LRRC49: variants seen among roughly 807,000 people sequenced by gnomAD.
LRRC49 encodes the protein leucine-rich repeat-containing protein 49.
In LRRC49, 50 loss-of-function variants were observed where a neutral mutation model predicts 83.3. The observed-to-expected ratio is 0.60, with a 90% CI of 0.48 to 0.76. LRRC49 has a LOEUF of 0.76. Among genes scored for constraint, LRRC49 ranks in the 30% least tolerant of loss-of-function variants. The probability of loss-of-function intolerance (pLI) is 0.00; values close to 1 mark genes in which losing one functional copy is unlikely to be tolerated. For synonymous variants in LRRC49, 286 were observed against 283.3 expected, an observed-to-expected ratio of 1.01 and a Z score of -0.10; for missense variants, 704 against 809.1, an observed-to-expected ratio of 0.87 and a Z score of 1.58.
Position 70,900,893 on chromosome 15 carries a change from TTAAG to T in LRRC49, c.194-25_194-22del, listed in dbSNP as rs779427370. On this transcript the variant is annotated intron_variant, in intron 3 of 15. Transcript: ENST00000260382. ...TTCAGACTTCGAAGGTTTTTCTTAA[TTAAG>T]TAATTTGTATATCATTTTTAATAGG... 3.9e-5 allele frequency: 53 copies of T among 1,366,586 alleles called. 1 individual carries two copies. The highest frequency in any genetic ancestry group is 2.2e-4 in the African/African-American group (15 of 68,680). The allele number at this position is 1,366,586 out of a possible 1,614,324, so 84.7% of individuals were successfully genotyped here.
At chr15:70,946,198 CCTGT>C (rs1276762127) in intron 8 of LRRC49, among the ~76,000 whole-genome samples, 4 of 152,126 alleles carry the variant, frequency 2.6e-5, no homozygotes, top group Admixed American at 6.5e-5. Context: ...ACTAATTCCT[CCTGT>C]CTAACTGAAA....
intron 14 of LRRC49, among the ~76,000 whole-genome samples, chr15:71,023,297 A>G (rs1330035966): frequency 6.6e-6 from 1 of 152,236 alleles, no homozygotes; most frequent in East Asian, 1.9e-4. Context: ...ATGATGTTCA[A>G]AGAGTATTAA....
chr15:71,020,402 T>G (rs1713552), intron 14 of LRRC49, among the ~76,000 whole-genome samples: 123,750 of 152,164 alleles, frequency 0.81, 50,694 homozygotes, highest in East Asian at 0.87. Flanking sequence ...TAGGGTAGAG[T>G]CAGTATTAAA....
At chr15:71,015,174 C>T (rs1349615500) in intron 14 of LRRC49, among the ~76,000 whole-genome samples, 4 of 152,062 alleles carry the variant, frequency 2.6e-5, no homozygotes, top group Non-Finnish European at 2.9e-5. Context: ...ATACAAATGC[C>T]TTTAAACTTT....
In LRRC49 at chr15:70,950,044, A is replaced by G. The variant is rs369945838; in HGVS notation, c.773+13222A>G. On this transcript the variant is annotated intron_variant, in intron 8 of 15. Transcript: ENST00000260382. ...TGTATTCATCGTCTGGCTCCCACTTATAAGTGAGAACATGCAATATTTGGT... is the reference window on the plus strand; with the variant it reads ...TGTATTCATCGTCTGGCTCCCACTTGTAAGTGAGAACATGCAATATTTGGT... Among the ~76,000 whole-genome samples the G allele has an allele frequency of 6.6e-4, 101 of 152,228 alleles. No individual in the cohort carries two copies. In the South Asian group the frequency reaches 0.02, roughly 29 times the overall value.
intron 3 of LRRC49, chr15:70,900,089 A>T (rs951790255): frequency 6.2e-6 from 1 of 160,428 alleles, no homozygotes; most frequent in Admixed American, 6.2e-5. Context: ...ATTAAGTAAA[A>T]AATAACCAGA....
chr15:70,919,264 A>G, intron 7 of LRRC49, 71 bp downstream of exon 7: 2 of 1,323,052 alleles, frequency 1.5e-6, no homozygotes, highest in Non-Finnish European at 1.0e-6. Context: ...ATGTTGTAAT[A>G]TGGCTTTCTG....
chr15:70,948,118 ACGTGTGTGTT>A (rs2036075693), intron 8 of LRRC49, among the ~76,000 whole-genome samples: 1 of 151,982 alleles, frequency 6.6e-6, no homozygotes, highest in African/African-American at 2.4e-5. Context: ...GTGTGTGCAC[ACGTGTGTGTT>A]CGTGTGTGTT....
chr15:70,893,534 T>A (rs369953067), intron 1 of LRRC49, 50 bp from the exon 2 acceptor site: 3 of 1,103,544 alleles, frequency 2.7e-6, no homozygotes, highest in African/African-American at 3.1e-5. Flanking sequence ...TTTGGAAATA[T>A]GTGTTTGTGT....
At chr15:70,889,610 T>C (rs2141090881), upstream of LRRC49, among the ~76,000 whole-genome samples, 1 of 152,278 alleles carries the variant, frequency 6.6e-6, no homozygotes, top group African/African-American at 2.4e-5. Context: ...GAATGCAAAA[T>C]TAACAGTTAA....
At chr15:70,896,207 A>G (rs1047910974) in intron 3 of LRRC49, among the ~76,000 whole-genome samples, 5 of 152,196 alleles carry the variant, frequency 3.3e-5, no homozygotes, top group Admixed American at 2.6e-4. Context: ...ATACTGTATT[A>G]GAACAGTATT....
Position 71,037,221 on chromosome 15 carries a change from A to G in LRRC49, c.1746A>G (p.Lys582=). 1 of 1,611,022 alleles carries G rather than the reference A, an allele frequency of 6.2e-7. No individual in the cohort carries two copies. Among genetic ancestry groups the G allele is most frequent in the Non-Finnish European group, 8.5e-7 (1 of 1,178,360 alleles). ...FRYLLESKGK[K]PGIINEENND... The stretch of plus-strand genomic sequence containing the variant: ...ATCTACTAGAATCCAAAGGAAAAAA[A>G]CCTGGTATTATCAACGAAGAAAATA... Residue 582 remains lysine (K), a synonymous_variant, in exon 15 of 16, where the codon AAA becomes AAG. Coordinates refer to ENST00000260382, the MANE Select transcript of LRRC49 (RefSeq NM_017691.5).
chr15:71,012,560 T>TA, intron 13 of LRRC49, among the ~76,000 whole-genome samples: 1 of 152,222 alleles, frequency 6.6e-6, no homozygotes, highest in Middle Eastern at 3.4e-3. Flanking sequence ...AGACAGCTTC[T>TA]AAATCAGAGC....
chr15:70,889,764 C>T (rs973851931), upstream of LRRC49, among the ~76,000 whole-genome samples: 3 of 152,108 alleles, frequency 2.0e-5, no homozygotes, highest in Non-Finnish European at 4.4e-5. Flanking sequence ...AATAGCTCTT[C>T]AATAAATGTT....
intron 1 of LRRC49, among the ~76,000 whole-genome samples, chr15:70,865,784 G>A (rs1184553789): frequency 6.6e-6 from 1 of 152,202 alleles, no homozygotes; most frequent in Non-Finnish European, 1.5e-5. Flanking sequence ...GGGACTTTCA[G>A]TGTCAAAACC....
intron 14 of LRRC49, among the ~76,000 whole-genome samples, chr15:71,019,567 C>T (rs527901828): frequency 7.9e-5 from 12 of 152,246 alleles, no homozygotes; most frequent in South Asian, 4.1e-4. Context: ...TGTGAATTGA[C>T]GTCTTCCTAA....
intron 9 of LRRC49, among the ~76,000 whole-genome samples, chr15:70,974,770 T>C (rs1276751358): frequency 2.0e-5 from 3 of 150,238 alleles, no homozygotes; most frequent in African/African-American, 7.3e-5. Context: ...AGAGATCACA[T>C]ACAGCTCACA....
At chr15:70,872,940 G>T in exon 2 of LRRC49, 1 of 359,532 alleles carries the variant, frequency 2.8e-6, no homozygotes, top group Non-Finnish European at 5.3e-6. Flanking sequence ...AGGCTGGAGT[G>T]CCGTGGTGCG....
At chr15:70,865,447 G>A (rs11072227) in intron 1 of LRRC49, among the ~76,000 whole-genome samples, 83,044 of 151,808 alleles carry the variant, frequency 0.55, 23,470 homozygotes, top group Admixed American at 0.69. Context: ...ATCTAATAGC[G>A]AGTTCATATT....
Sources: gnomAD v4.1 joint callset for allele counts (sites outside exome capture counted in the v4.1 genomes callset) on GRCh38, gnomAD v4.1.1 for gene constraint, MANE v1.5 for transcripts, NCBI Gene and HGNC (gene_info 2026-07-23, HGNC 2026-07-21) for gene names.